The following SRP68 variants were observed in gnomAD, a reference collection of about 807,000 sequenced individuals.
SRP68 encodes the protein signal recognition particle 68.
Under a neutral mutation model 82.2 loss-of-function variants are expected in SRP68, and 15 were observed. The observed-to-expected ratio is 0.18, with a 90% CI of 0.12 to 0.28. SRP68 has a LOEUF of 0.28. SRP68 is among the 10% of genes least tolerant of loss of function. SRP68 has a pLI of 1.00. For missense variants in SRP68, 595 were observed against 780.5 expected, an observed-to-expected ratio of 0.76 and a Z score of 2.83; for synonymous variants, 261 against 292.6, an observed-to-expected ratio of 0.89 and a Z score of 1.10.
intron 4 of SRP68, among the ~76,000 whole-genome samples, chr17:76,062,180 G>A (rs1020053558): frequency 5.3e-5 from 8 of 151,778 alleles, no homozygotes; most frequent in Non-Finnish European, 7.4e-5. Flanking sequence ...CCAGCTACTC[G>A]GGAGGCTGAG....
rs114061854 is a variant in SRP68, at chr17:76,061,223, C to A, written c.645-4G>T. 1.9e-6 allele frequency: 3 copies of A among 1,598,206 alleles called. No individual in the cohort carries two copies. Among genetic ancestry groups the A allele is most frequent in the Non-Finnish European group, 2.6e-6 (3 of 1,168,266 alleles). On this transcript the variant is annotated splice_polypyrimidine_tract_variant and splice_region_variant and intron_variant, in intron 5 of 15. Coordinates refer to ENST00000307877, the MANE Select transcript of SRP68 (RefSeq NM_014230.4). ...GGCTAGCTTCTCATAGATAGTTCTGCGAGAAAAGAAAAGCCAGGTTTTACA... is the reference window on the plus strand; with the variant it reads ...GGCTAGCTTCTCATAGATAGTTCTGAGAGAAAAGAAAAGCCAGGTTTTACA...
chr17:76,061,004 G>T, intron 6 of SRP68, 106 bp downstream of exon 6: 1 of 758,884 alleles, frequency 1.3e-6, no homozygotes, highest in Non-Finnish European at 2.3e-6. Context: ...ATGGAGGCAA[G>T]CGAAGAAGAA....
At position 76,045,630 on chromosome 17, in the gene SRP68, T is replaced by C. The variant is rs187037283; in HGVS notation, c.1300-244A>G. On this transcript the variant is annotated intron_variant, in intron 11 of 15. Coordinates refer to ENST00000307877, the MANE Select transcript of SRP68 (RefSeq NM_014230.4). ...CAGCTCACCCACCTTCAGAGACTTC[T>C]TGGCCCATCTTAGCTGGAAGGGATC... 3.5e-3 allele frequency among the ~76,000 whole-genome samples: 527 copies of C among 152,330 alleles called. 1 individual carries two copies. Among genetic ancestry groups the C allele is most frequent in the Non-Finnish European group, 5.9e-3 (400 of 68,014 alleles).
At chr17:76,060,635 TACA>T (rs543996319) in intron 6 of SRP68, 106 of 450,518 alleles carry the variant, frequency 2.4e-4, no homozygotes, top group South Asian at 2.3e-3. Flanking sequence ...CCATAGAATG[TACA>T]ACATCAAGCG....
In SRP68 at chr17:76,064,137, C is replaced by G. The variant is rs774648889; in HGVS notation, c.400G>C (p.Ala134Pro). The change falls in exon 4 of 16, where the codon GCC becomes CCC. Residue 134 changes from alanine (A) to proline (P), a missense_variant. Coordinates refer to ENST00000307877, the MANE Select transcript of SRP68 (RefSeq NM_014230.4). ...LLLVLMDAER[A>P]WSYAMQLKQE... is the part of the protein sequence containing the mutation. ...TTCAGCTGCATGGCGTAGCTCCAGG[C>G]TCTTTCAGCATCCATCAGAACCAGA... 1 of 1,614,226 alleles carries G rather than the reference C, an allele frequency of 6.2e-7. No homozygotes were observed. The highest frequency in any genetic ancestry group is 8.5e-7 in the Non-Finnish European group (1 of 1,180,044).
chr17:76,068,697 A>G (rs189194124), intron 2 of SRP68, among the ~76,000 whole-genome samples: 9 of 152,288 alleles, frequency 5.9e-5, no homozygotes, highest in Non-Finnish European at 8.8e-5. Context: ...TCTTCCTTCT[A>G]TTACAGTGTG....
chr17:76,060,144 A>AAAAAAAAAAG (rs1567933375), intron 7 of SRP68, among the ~76,000 whole-genome samples, 164 bp downstream of exon 7: 2 of 143,334 alleles, frequency 1.4e-5, no homozygotes, highest in African/African-American at 5.9e-5. Context: ...AAAAAAAAAA[A>AAAAAAAAAAG]AAAAAAGAAA....
At chr17:76,069,016 T>A (rs184314826) in intron 2 of SRP68, among the ~76,000 whole-genome samples, 17 of 149,088 alleles carry the variant, frequency 1.1e-4, no homozygotes, top group East Asian at 5.8e-4. Context: ...TAAATAAATA[T>A]ATATATATAT....
rs113529187 is a variant in SRP68, at chr17:76,059,371, C to T, written c.837+937G>A. Among the ~76,000 whole-genome samples the T allele has an allele frequency of 3.9e-3, 594 of 152,056 alleles. 7 individuals carry two copies. Among genetic ancestry groups the T allele is most frequent in the African/African-American group, 0.013 (545 of 41,486 alleles). Reference sequence around the variant, plus strand: ...TATCCTGGCCAACATGGTGAAACCCCGTCTCTACTAAAATACAAAAATTAG... The same window carrying T: ...TATCCTGGCCAACATGGTGAAACCCTGTCTCTACTAAAATACAAAAATTAG... On this transcript the variant is annotated intron_variant, in intron 7 of 15. Transcript: ENST00000307877.
chr17:76,061,641 T>C, intron 4 of SRP68, 67 bp from the exon 5 acceptor site: 1 of 1,317,052 alleles, frequency 7.6e-7, no homozygotes, highest in Non-Finnish European at 1.1e-6. Flanking sequence ...AATCTTCCTT[T>C]ATTGGCTTCT....
chr17:76,065,634 C>T (rs1473914849), intron 3 of SRP68, among the ~76,000 whole-genome samples: 2 of 152,072 alleles, frequency 1.3e-5, no homozygotes, highest in African/African-American at 4.8e-5. Flanking sequence ...TCCTAGACTG[C>T]ATGCACGGAT....
chr17:76,050,230 A>G (rs1019878923), intron 9 of SRP68, among the ~76,000 whole-genome samples, 198 bp downstream of exon 9: 1 of 151,730 alleles, frequency 6.6e-6, no homozygotes, highest in Non-Finnish European at 1.5e-5. Context: ...GGAACAGGGG[A>G]GGGAGAAATT....
At chr17:76,060,582 G>A (rs1036760246) in intron 6 of SRP68, 192 bp from the exon 7 acceptor site, 12 of 544,058 alleles carry the variant, frequency 2.2e-5, no homozygotes, top group Non-Finnish European at 3.9e-5. Context: ...TACTCCATAT[G>A]GTATATAATG....
Position 76,055,187 on chromosome 17 carries a change from G to A in SRP68, c.978+2216C>T, listed in dbSNP as rs576115582. Among the ~76,000 whole-genome samples the A allele has an allele frequency of 7.9e-5, 12 of 151,772 alleles. No individual in the cohort carries two copies. In the South Asian group the frequency reaches 1.9e-3, roughly 24 times the overall value. On this transcript the variant is annotated intron_variant, in intron 8 of 15. Transcript: ENST00000307877. ...ATGTTGGCCAGGCTGGTCTCATTTC[G>A]AACTCCTGATCTCAGGTAATCCGCC...
chr17:76,070,850 G>GCACGCACACACACACA (rs1555630320), intron 1 of SRP68, among the ~76,000 whole-genome samples: 1 of 146,780 alleles, frequency 6.8e-6, no homozygotes, highest in Non-Finnish European at 1.5e-5. Context: ...ACATGCACAT[G>GCACGCACACACACACA]CACACACACA....
In SRP68 at chr17:76,039,049, C is replaced by T. The variant is rs2066568873; in HGVS notation, c.*657G>A. Reference sequence around the variant, plus strand: ...CACCGGCTTCACGCAACTAGGCTCCCGAGGAGAGAACGGGGACTGGACATG... The same window carrying T: ...CACCGGCTTCACGCAACTAGGCTCCTGAGGAGAGAACGGGGACTGGACATG... On this transcript the variant is annotated 3_prime_UTR_variant, in exon 16 of 16. Transcript: ENST00000307877. The T allele has an allele frequency of 8.3e-6, 2 of 241,022 alleles. No homozygotes were observed. The highest frequency in any genetic ancestry group is 2.2e-5 in the African/African-American group (1 of 44,830). 14.9% of individuals were successfully genotyped at this position (241,022 alleles called of 1,614,324 possible).
chr17:76,066,485 T>C (rs529523443), intron 3 of SRP68, among the ~76,000 whole-genome samples: 23 of 151,752 alleles, frequency 1.5e-4, no homozygotes, highest in Non-Finnish European at 2.6e-4. Context: ...AACCACTCAA[T>C]TTCATTAAGA....
Position 76,072,178 on chromosome 17 carries a change from T to G in SRP68, c.184+130A>C. On this transcript the variant is annotated intron_variant, in intron 1 of 15. Transcript: ENST00000307877. This position sits in a 1 kb window ranked among gnomAD's most constrained non-coding sequence, Gnocchi z 4.5. Reference sequence around the variant, plus strand: ...CCCCGGAATTCTGAGCACCAAAAGGTAAGGGCGAGAGAAACTGCAACCCTC... The same window carrying G: ...CCCCGGAATTCTGAGCACCAAAAGGGAAGGGCGAGAGAAACTGCAACCCTC... 8.0e-6 allele frequency: 12 copies of G among 1,493,732 alleles called. No homozygotes were observed. Among genetic ancestry groups the G allele is most frequent in the East Asian group, 2.5e-5 (1 of 40,028 alleles). The allele number at this position is 1,493,732 out of a possible 1,614,324, so 92.5% of individuals were successfully genotyped here. A position where few individuals can be genotyped will look rare whatever the true frequency, so the allele number is the denominator to read the frequency against.
At chr17:76,040,844 G>C in intron 14 of SRP68, 59 bp downstream of exon 14, 5 of 1,491,594 alleles carry the variant, frequency 3.4e-6, no homozygotes, top group Non-Finnish European at 4.7e-6. Context: ...GGGTGTGACA[G>C]AGAAGGGGAG....
Sources: gnomAD v4.1 joint callset for allele counts (sites outside exome capture counted in the v4.1 genomes callset) on GRCh38, gnomAD v4.1.1 for gene constraint, Gnocchi (gnomAD v3.1) non-coding constraint, MANE v1.5 for transcripts, NCBI Gene and HGNC (gene_info 2026-07-23, HGNC 2026-07-21) for gene names.